The following HLCS variants were observed in gnomAD, a reference collection of about 807,000 sequenced individuals.
HLCS encodes biotin--protein ligase.
A neutral mutation model predicts 75.0 loss-of-function variants in HLCS; 53 were observed. The observed-to-expected ratio is 0.71, with a 90% CI of 0.57 to 0.89. The LOEUF (loss-of-function observed/expected upper bound fraction) is 0.89. HLCS is among the 40% of genes least tolerant of loss of function. HLCS has a pLI of 0.00. For missense variants in HLCS, 966 were observed against 1,074.0 expected (o/e 0.90, Z 1.41); for synonymous variants, 431 against 428.6 (o/e 1.01, Z -0.07).
rs566338336 is a variant in HLCS, at chr21:36,988,172, C to T, written c.-393+1986G>A. The stretch of plus-strand genomic sequence containing the variant: ...TGTGTCATTTCCTCTTAGACTTTCA[C>T]CCCATTCTCATCCACCCACTGCAAG... On this transcript the variant is annotated intron_variant, in intron 1 of 11. Coordinates refer to the HLCS transcript ENST00000336648. Among the ~76,000 whole-genome samples the T allele has an allele frequency of 3.3e-5, 5 of 152,300 alleles. No individual in the cohort carries two copies. The East Asian group carries it at 7.7e-4, about 23-fold the overall frequency.
intron 6 of HLCS, among the ~76,000 whole-genome samples, chr21:36,828,938 A>C (rs1361005335): frequency 6.6e-6 from 1 of 152,234 alleles, no homozygotes; most frequent in Non-Finnish European, 1.5e-5. Flanking sequence ...TGCTACTACT[A>C]ATCAAGGAAA....
chr21:36,801,024 T>G (rs756522172), intron 6 of HLCS, among the ~76,000 whole-genome samples: 4 of 152,204 alleles, frequency 2.6e-5, no homozygotes, highest in Non-Finnish European at 5.9e-5. Context: ...CATGGCAACA[T>G]TCGCCTGAAT....
At chr21:36,813,936 C>T (rs1166442138) in intron 6 of HLCS, among the ~76,000 whole-genome samples, 1 of 152,136 alleles carries the variant, frequency 6.6e-6, no homozygotes, top group Non-Finnish European at 1.5e-5. Flanking sequence ...AATGGAAACA[C>T]TCACATGGAG....
intron 1 of HLCS, among the ~76,000 whole-genome samples, chr21:36,981,373 A>C (rs1023604914): frequency 5.8e-4 from 86 of 148,624 alleles, no homozygotes; most frequent in African/African-American, 1.9e-3. Context: ...TGAATCTATT[A>C]ATCTATTAAC....
At chr21:36,874,434 T>TA (rs1367919524) in intron 6 of HLCS, among the ~76,000 whole-genome samples, 3 of 151,628 alleles carry the variant, frequency 2.0e-5, no homozygotes, top group Non-Finnish European at 4.4e-5. Context: ...TAAAATAAAA[T>TA]AAATAAATTA....
In HLCS at chr21:36,937,282, G is replaced by T; in HGVS notation, c.604C>A (p.Gln202Lys). The change falls in exon 4 of 11, where the codon CAG becomes AAG. Residue 202 changes from glutamine (Q) to lysine (K), a missense_variant. Transcript: ENST00000674895. ...CTGCCAACATGCTCCATACCGTCCT[G>T]CTCAGGCTTAATCTCAAGAGAAGGT... ...PEPSLEIKPE[Q>K]DGMEHVGRDD... The T allele has an allele frequency of 6.2e-7, 1 of 1,614,102 alleles. No homozygotes were observed. The highest frequency in any genetic ancestry group is 8.5e-7 in the Non-Finnish European group (1 of 1,180,008).
chr21:36,920,904 C>T (rs1413902803), intron 5 of HLCS, among the ~76,000 whole-genome samples: 1 of 152,170 alleles, frequency 6.6e-6, no homozygotes, highest in African/African-American at 2.4e-5. Flanking sequence ...CAGAGTCTGG[C>T]TATCCCCCCA....
At chr21:36,849,206 A>G (rs188852065) in intron 6 of HLCS, among the ~76,000 whole-genome samples, 6 of 152,354 alleles carry the variant, frequency 3.9e-5, no homozygotes, top group African/African-American at 1.4e-4. Context: ...TGGCCCACTT[A>G]GAGAGCCACA....
chr21:36,805,249 A>G (rs912907156), intron 6 of HLCS, among the ~76,000 whole-genome samples: 1 of 152,100 alleles, frequency 6.6e-6, no homozygotes, highest in Non-Finnish European at 1.5e-5. Context: ...TAAAGAAAAA[A>G]AAATTTCTCT....
intron 1 of HLCS, chr21:36,975,255 C>G (rs1219719934): frequency 6.6e-6 from 1 of 152,222 alleles, no homozygotes; most frequent in African/African-American, 2.4e-5. Flanking sequence ...TCTTGGAGTC[C>G]CAACTTCTCC....
intron 6 of HLCS, among the ~76,000 whole-genome samples, chr21:36,785,412 A>T (rs926411205): frequency 1.9e-4 from 29 of 151,710 alleles, no homozygotes; most frequent in Middle Eastern, 6.8e-3. Context: ...GTTATTTTCC[A>T]TCCCTTGCCC....
intron 6 of HLCS, among the ~76,000 whole-genome samples, chr21:36,770,563 T>C (rs1298294323): frequency 1.3e-5 from 2 of 152,096 alleles, no homozygotes; most frequent in African/African-American, 4.8e-5. Flanking sequence ...TTTAAAACTT[T>C]AATATGATGG....
chr21:36,918,861 G>C lies in HLCS; in HGVS notation c.1620+11390C>G, dbSNP rs145789746. Among the ~76,000 whole-genome samples the C allele has an allele frequency of 9.8e-5, 15 of 152,300 alleles. No individual in the cohort carries two copies. In the East Asian group the frequency reaches 2.7e-3, roughly 27 times the overall value. Reference sequence around the variant, plus strand: ...CATCAGTTGTTTCTCTCTCACATTTGTTTTGCAACAGGACCAACGTGCTCA... The same window carrying C: ...CATCAGTTGTTTCTCTCTCACATTTCTTTTGCAACAGGACCAACGTGCTCA... On this transcript the variant is annotated intron_variant, in intron 5 of 10. Transcript: ENST00000674895.
chr21:36,853,159 C>A (rs2063070959), intron 6 of HLCS, among the ~76,000 whole-genome samples: 1 of 152,160 alleles, frequency 6.6e-6, no homozygotes, highest in African/African-American at 2.4e-5. Context: ...CAAGAGGGCA[C>A]ACAGGTACAA....
At chr21:36,790,905 G>A (rs1221449201) in intron 6 of HLCS, among the ~76,000 whole-genome samples, 2 of 152,180 alleles carry the variant, frequency 1.3e-5, no homozygotes, top group East Asian at 1.9e-4. Flanking sequence ...AAGCCATTCC[G>A]TCCACCATTT....
chr21:36,801,490 A>G (rs911717179), intron 6 of HLCS, among the ~76,000 whole-genome samples: 2 of 152,272 alleles, frequency 1.3e-5, no homozygotes, highest in African/African-American at 4.8e-5. Flanking sequence ...GAAAGAAAGA[A>G]CAAATACATA....
At chr21:36,895,082 G>A (rs886384717) in intron 6 of HLCS, among the ~76,000 whole-genome samples, 16 of 151,870 alleles carry the variant, frequency 1.1e-4, no homozygotes, top group African/African-American at 3.1e-4. Flanking sequence ...TTGGTGACAC[G>A]CTGCCTGGCC....
chr21:36,886,937 G>A (rs2064493569), intron 6 of HLCS, among the ~76,000 whole-genome samples: 2 of 152,030 alleles, frequency 1.3e-5, no homozygotes, highest in African/African-American at 4.8e-5. Flanking sequence ...GACCAGACTG[G>A]CCAACATGGT....
At chr21:36,831,122 C>CT (rs1469141481) in intron 6 of HLCS, among the ~76,000 whole-genome samples, 3 of 152,242 alleles carry the variant, frequency 2.0e-5, no homozygotes, top group Admixed American at 2.0e-4. Flanking sequence ...AGAAGATAAA[C>CT]TCAACACGTG....
Sources: gnomAD v4.1 joint callset for allele counts (sites outside exome capture counted in the v4.1 genomes callset) on GRCh38, gnomAD v4.1.1 for gene constraint, MANE v1.5 for transcripts, NCBI Gene and HGNC (gene_info 2026-07-23, HGNC 2026-07-21) for gene names.